Variants in ITSN2 observed in about 807,000 individuals in gnomAD.
ITSN2 encodes the protein intersectin 2.
A neutral mutation model predicts 243.7 loss-of-function variants in ITSN2; 156 were observed. The observed-to-expected ratio is 0.64, with a 90% CI of 0.56 to 0.73. The LOEUF is 0.73. ITSN2 is among the 30% of genes least tolerant of loss of function. The pLI is 0.00. For synonymous variants in ITSN2, 703 were observed against 699.9 expected, an observed-to-expected ratio of 1.00 and a Z score of -0.07; for missense variants, 1,801 against 1,996.1, an observed-to-expected ratio of 0.90 and a Z score of 1.86.
Position 24,258,042 on chromosome 2 carries a change from T to C in ITSN2, c.2734A>G (p.Lys912Glu). ...KAQALCSWTA[K>E]KDNHLNFSKH... Reference sequence around the variant, plus strand: ...GAGAAGTTCAAGTGGTTATCTTTCTTTGCAGTCCAGGAACAAAGGGCCTGT... The same window carrying C: ...GAGAAGTTCAAGTGGTTATCTTTCTCTGCAGTCCAGGAACAAAGGGCCTGT... The change falls in exon 23 of 40, where the codon AAG becomes GAG. Residue 912 changes from lysine to glutamate, a missense_variant. Physicochemically the swap from Lys to Glu is moderately conservative, Grantham distance 56. Coordinates refer to ENST00000355123, the MANE Select transcript of ITSN2 (RefSeq NM_006277.3). The C allele has an allele frequency of 6.2e-7, 1 of 1,614,172 alleles. No individual in the cohort carries two copies. The highest frequency in any genetic ancestry group is 8.5e-7 in the Non-Finnish European group (1 of 1,180,002).
At chr2:24,328,931 A>C (rs1457433657) in intron 1 of ITSN2, among the ~76,000 whole-genome samples, 1 of 152,176 alleles carries the variant, frequency 6.6e-6, no homozygotes, top group African/African-American at 2.4e-5. Context: ...CTGGGCAAGC[A>C]CTCTAAGAGA....
chr2:24,289,160 AT>A (rs1286466501), intron 15 of ITSN2, among the ~76,000 whole-genome samples: 1 of 152,188 alleles, frequency 6.6e-6, no homozygotes. Flanking sequence ...TGAAAATGCT[AT>A]TTGAATTCTG....
At chr2:24,254,473 A>G in intron 23 of ITSN2, 42 bp from the exon 24 acceptor site, 1 of 1,477,976 alleles carries the variant, frequency 6.8e-7, no homozygotes, top group Non-Finnish European at 9.4e-7. Flanking sequence ...ACAAACAAAT[A>G]CAAGCAAAAA....
chr2:24,351,242 T>C (rs1268698348), intron 1 of ITSN2, among the ~76,000 whole-genome samples: 1 of 152,230 alleles, frequency 6.6e-6, no homozygotes, highest in Admixed American at 6.5e-5. Flanking sequence ...CTCATTAAAC[T>C]ACATACCAGC....
chr2:24,306,194 G>A (rs1488332694), intron 8 of ITSN2, among the ~76,000 whole-genome samples: 1 of 152,098 alleles, frequency 6.6e-6, no homozygotes, highest in African/African-American at 2.4e-5. Context: ...TGACCAGGCT[G>A]GTCTCAAACT....
At chr2:24,297,263 C>T (rs1278500875) in intron 13 of ITSN2, among the ~76,000 whole-genome samples, 1 of 152,178 alleles carries the variant, frequency 6.6e-6, no homozygotes, top group African/African-American at 2.4e-5. Context: ...AGATCTAAAT[C>T]TGGCTCTACT....
chr2:24,314,405 C>T (rs1347722297), intron 3 of ITSN2, among the ~76,000 whole-genome samples: 2 of 152,104 alleles, frequency 1.3e-5, no homozygotes, highest in East Asian at 3.9e-4. Context: ...GGTTTCAAAG[C>T]CCAGATTAAC....
intron 17 of ITSN2, among the ~76,000 whole-genome samples, chr2:24,276,816 C>T (rs1052080386): frequency 3.3e-5 from 5 of 152,174 alleles, no homozygotes; most frequent in Non-Finnish European, 5.9e-5. Context: ...AGAATATTTT[C>T]CTGGGATTCA....
Position 24,203,685 on chromosome 2 carries a change from T to TCCCCACC in ITSN2, c.5034_5035insGGTGGGG (p.Thr1679GlyfsTer11), listed in dbSNP as rs1668545254. The TCCCCACC allele has an allele frequency of 6.2e-7, 1 of 1,614,160 alleles. No individual in the cohort carries two copies. Among genetic ancestry groups the TCCCCACC allele is most frequent in the East Asian group, 2.2e-5 (1 of 44,874 alleles). On this transcript the variant is annotated frameshift_variant, in exon 40 of 40. Coordinates refer to ENST00000355123, the MANE Select transcript of ITSN2 (RefSeq NM_006277.3). LOFTEE classifies it high-confidence loss of function. ...TCAAAACGGACCCAGACCTCCCCGG[T>TCCCCACC]GGGGACCTCATGCAGCAGCAGTCGG...
intron 8 of ITSN2, among the ~76,000 whole-genome samples, chr2:24,306,003 G>A (rs547236717): frequency 1.3e-5 from 2 of 152,132 alleles, no homozygotes; most frequent in African/African-American, 4.8e-5. Flanking sequence ...TTTTTGAGAC[G>A]TAGTCTAGTT....
intron 35 of ITSN2, 128 bp downstream of exon 35, chr2:24,209,690 G>T: frequency 2.9e-6 from 2 of 701,092 alleles, no homozygotes; most frequent in Non-Finnish European, 4.9e-6. Context: ...AGCAAAGGAA[G>T]CACGAGCGAT....
intron 17 of ITSN2, among the ~76,000 whole-genome samples, chr2:24,276,992 A>G (rs181909446): frequency 1.3e-5 from 2 of 152,348 alleles, no homozygotes; most frequent in East Asian, 3.9e-4. Context: ...AAAGGGTACT[A>G]TAGAAGCTGA....
chr2:24,281,018 C>T (rs1678701880), intron 17 of ITSN2, among the ~76,000 whole-genome samples: 1 of 152,048 alleles, frequency 6.6e-6, no homozygotes, highest in African/African-American at 2.4e-5. Context: ...ACATCTATAT[C>T]AATAGGGTTT....
chr2:24,328,060 G>A lies in ITSN2; in HGVS notation c.23C>T (p.Ala8Val). ...AGCACAAAGCTGCTTACCATTCATA[G>A]CTGTGGGAAACTGAGCCATCATGGT... The part of the protein sequence containing the change: MMAQFPT[A>V]MNGGPNMWAI... Residue 8 changes from alanine to valine, a missense_variant, in exon 2 of 40, where the codon GCT becomes GTT. Around this residue, in one of 5 missense-constraint regions of ITSN2, gnomAD observed 77 missense variants for 90.1 expected, o/e 0.85. Transcript: ENST00000355123. 2 of 1,612,946 alleles carry A rather than the reference G, an allele frequency of 1.2e-6. No homozygotes were observed. Among genetic ancestry groups the A allele is most frequent in the Non-Finnish European group, 1.7e-6 (2 of 1,179,742 alleles).
At chr2:24,246,527 C>G (rs1250565691) in intron 28 of ITSN2, among the ~76,000 whole-genome samples, 2 of 152,032 alleles carry the variant, frequency 1.3e-5, no homozygotes, top group Non-Finnish European at 2.9e-5. Flanking sequence ...GTTAACAATC[C>G]AAGTGAAGTA....
rs17046217 is a variant in ITSN2 at position 24,273,285 on chromosome 2, A to T, written c.2082-1344T>A. 9.9e-3 allele frequency among the ~76,000 whole-genome samples: 1,510 copies of T among 152,304 alleles called. 23 individuals carry two copies. Among genetic ancestry groups the T allele is most frequent in the African/African-American group, 0.034 (1,408 of 41,546 alleles). On this transcript the variant is annotated intron_variant, in intron 18 of 39. Coordinates refer to ENST00000355123, the MANE Select transcript of ITSN2 (RefSeq NM_006277.3). ...CCTCCTTCATCCTCTATCATGTCATAGAATGCTTCCTCCGGCAACTTTCAA... is the reference window on the plus strand; with the variant it reads ...CCTCCTTCATCCTCTATCATGTCATTGAATGCTTCCTCCGGCAACTTTCAA...
intron 7 of ITSN2, 157 bp from the exon 8 acceptor site, chr2:24,308,913 AGTGGCAG>A (rs1418277677): frequency 1.7e-6 from 1 of 600,976 alleles, no homozygotes; most frequent in Admixed American, 2.1e-5. Context: ...GGGCTCGGTG[AGTGGCAG>A]GTGAGTGAGC....
In ITSN2 at chr2:24,299,897, C is replaced by G. The variant is rs1268582195; in HGVS notation, c.1344+12G>C. ...AATGATTTTCTTAAGAAGTAAAAAA[C>G]TTAAAAATAACCTCTCGTCTTTCTA... On this transcript the variant is annotated intron_variant, in intron 12 of 39. Coordinates refer to ENST00000355123, the MANE Select transcript of ITSN2 (RefSeq NM_006277.3). The G allele has an allele frequency of 9.5e-6, 15 of 1,575,314 alleles. No homozygotes were observed. Among genetic ancestry groups the G allele is most frequent in the Non-Finnish European group, 1.3e-5 (15 of 1,162,164 alleles).
Position 24,221,001 on chromosome 2 carries a change from G to A in ITSN2, c.3643C>T (p.His1215Tyr). The change falls in exon 30 of 40, where the codon CAT (histidine) becomes TAT (tyrosine). Residue 1215 changes from histidine to tyrosine, a missense_variant. Around this residue, in one of 5 missense-constraint regions of ITSN2, gnomAD observed 928 missense variants for 1,065.4 expected, o/e 0.87. Transcript: ENST00000355123. ...CGCTCTTCGGTCTGAATCAGCTCAT[G>A]AATATAGCCCTGTCTTTTCCTCTCA... The part of the protein sequence containing the change: ...PIERKRQGYI[H>Y]ELIQTEERYM... 1 of 1,610,320 alleles carries A rather than the reference G, an allele frequency of 6.2e-7. No individual in the cohort carries two copies. Among genetic ancestry groups the A allele is most frequent in the Non-Finnish European group, 8.5e-7 (1 of 1,178,652 alleles).
Sources: allele counts gnomAD v4.1 joint callset (sites outside exome capture counted in the v4.1 genomes callset), GRCh38; gene constraint gnomAD v4.1.1; regional missense constraint gnomAD v4.1.1; transcripts MANE v1.5; gene names NCBI Gene and HGNC (gene_info 2026-07-23, HGNC 2026-07-21).